The following NRCAM variants were observed in gnomAD, a reference collection of about 807,000 sequenced individuals.
NRCAM encodes the protein NgCAM-related cell adhesion molecule.
In NRCAM, 83 loss-of-function variants were observed where a neutral mutation model predicts 156.5. That is an observed-to-expected ratio of 0.53 (90% confidence interval 0.44 to 0.64). The LOEUF (loss-of-function observed/expected upper bound fraction) is 0.64. Ranked by LOEUF, NRCAM falls within the 30% of genes least tolerant of loss-of-function variation. The pLI is 0.00. For synonymous variants in NRCAM, 538 were observed against 563.9 expected (o/e 0.95, Z 0.65); for missense variants, 1,417 against 1,597.3 (o/e 0.89, Z 1.92).
At chr7:108,273,593 G>GT (rs932402833) in intron 3 of NRCAM, among the ~76,000 whole-genome samples, 81 of 152,106 alleles carry the variant, frequency 5.3e-4, no homozygotes, top group African/African-American at 1.8e-3. Context: ...TTATGCGGTT[G>GT]TTTTTTTCTT....
chr7:108,358,754 A>C (rs924203019), intron 2 of NRCAM, among the ~76,000 whole-genome samples: 6 of 152,160 alleles, frequency 3.9e-5, no homozygotes, highest in African/African-American at 1.4e-4. Context: ...CCTATTAGCA[A>C]AACGAACTGA....
At chr7:108,168,770 T>C (rs2151924251) in intron 28 of NRCAM, among the ~76,000 whole-genome samples, 1 of 152,312 alleles carries the variant, frequency 6.6e-6, no homozygotes, top group South Asian at 2.1e-4. Context: ...GACGTCATCA[T>C]GGAATGTCAG....
intron 30 of NRCAM, among the ~76,000 whole-genome samples, chr7:108,165,674 CATT>C (rs1459530521): frequency 6.6e-6 from 1 of 152,148 alleles, no homozygotes; most frequent in Non-Finnish European, 1.5e-5. Flanking sequence ...TTTCTTAAAA[CATT>C]ATGATTTTAG....
At chr7:108,260,817 A>C (rs1403251576) in intron 3 of NRCAM, among the ~76,000 whole-genome samples, 2 of 152,138 alleles carry the variant, frequency 1.3e-5, no homozygotes, top group Non-Finnish European at 2.9e-5. Flanking sequence ...ATGTATATAA[A>C]TTAGCCTTTT....
chr7:108,252,469 C>T (rs1221178094), intron 3 of NRCAM, among the ~76,000 whole-genome samples: 1 of 152,162 alleles, frequency 6.6e-6, no homozygotes, highest in Non-Finnish European at 1.5e-5. Flanking sequence ...GCAGAGAAAA[C>T]AGTTTTTATT....
chr7:108,411,204 C>A (rs1170501867), intron 1 of NRCAM, among the ~76,000 whole-genome samples: 1 of 152,230 alleles, frequency 6.6e-6, no homozygotes, highest in East Asian at 1.9e-4. Flanking sequence ...GGATTTCTCT[C>A]CAATTATCTT....
intron 2 of NRCAM, among the ~76,000 whole-genome samples, chr7:108,317,708 AAGACCAGCCTG>A (rs2098944891): frequency 6.6e-6 from 1 of 151,934 alleles, no homozygotes; most frequent in Admixed American, 6.6e-5. Context: ...TCAGGAGTTC[AAGACCAGCCTG>A]GCCAACATGG....
At chr7:108,310,534 T>G (rs548109281) in intron 3 of NRCAM, among the ~76,000 whole-genome samples, 14 of 152,308 alleles carry the variant, frequency 9.2e-5, no homozygotes, top group African/African-American at 3.4e-4. Flanking sequence ...CAATTCTGGC[T>G]GCATGCATTT....
At chr7:108,295,972 C>T (rs2098446813) in intron 3 of NRCAM, among the ~76,000 whole-genome samples, 1 of 152,214 alleles carries the variant, frequency 6.6e-6, no homozygotes. Flanking sequence ...TTGAAAAGGG[C>T]TTCACTGCGC....
At chr7:108,285,728 G>C (rs1735872883) in intron 3 of NRCAM, among the ~76,000 whole-genome samples, 1 of 152,190 alleles carries the variant, frequency 6.6e-6, no homozygotes, top group Admixed American at 6.5e-5. Context: ...TATTTTGTCA[G>C]GAGTTAATGA....
intron 3 of NRCAM, among the ~76,000 whole-genome samples, chr7:108,253,746 A>C (rs1181508395): frequency 1.3e-5 from 2 of 152,222 alleles, no homozygotes; most frequent in Non-Finnish European, 2.9e-5. Context: ...CAATCACCTG[A>C]AAATCAATTA....
intron 2 of NRCAM, among the ~76,000 whole-genome samples, chr7:108,358,592 A>G (rs1277967252): frequency 6.6e-6 from 1 of 152,136 alleles, no homozygotes; most frequent in Non-Finnish European, 1.5e-5. Context: ...CTGGTAATGC[A>G]CAGAGCTCCT....
intron 1 of NRCAM, among the ~76,000 whole-genome samples, chr7:108,411,794 G>C (rs1044922175): frequency 9.2e-5 from 14 of 152,100 alleles, no homozygotes; most frequent in African/African-American, 3.1e-4. Flanking sequence ...GCCTTCCAAA[G>C]TGCTGGTATT....
At chr7:108,374,450 G>A (rs1180070983) in intron 2 of NRCAM, among the ~76,000 whole-genome samples, 1 of 151,968 alleles carries the variant, frequency 6.6e-6, no homozygotes. Context: ...TGGAGCAAGA[G>A]GAAGACTCTA....
At chr7:108,412,720 C>G (rs1796945836) in intron 1 of NRCAM, among the ~76,000 whole-genome samples, 1 of 152,134 alleles carries the variant, frequency 6.6e-6, no homozygotes, top group South Asian at 2.1e-4. Flanking sequence ...ACCCCAGCCC[C>G]TGGTAACCAC....
At chr7:108,309,567 T>A (rs938009192) in intron 3 of NRCAM, among the ~76,000 whole-genome samples, 1 of 152,116 alleles carries the variant, frequency 6.6e-6, no homozygotes, top group Admixed American at 6.5e-5. Context: ...TAAATTGTAT[T>A]AAAAATTGGC....
intron 2 of NRCAM, among the ~76,000 whole-genome samples, chr7:108,339,994 G>C (rs1386986110): frequency 1.3e-5 from 2 of 152,172 alleles, no homozygotes. Context: ...CTATCTTACA[G>C]CTAGACCTCT....
chr7:108,342,043 C>A (rs2099287670), intron 2 of NRCAM, among the ~76,000 whole-genome samples: 1 of 152,200 alleles, frequency 6.6e-6, no homozygotes, highest in South Asian at 2.1e-4. Context: ...ATCCTTCGAA[C>A]CCAACGTCTC....
intron 1 of NRCAM, among the ~76,000 whole-genome samples, chr7:108,453,040 G>A (rs1211157320): frequency 6.6e-6 from 1 of 152,202 alleles, no homozygotes; most frequent in Non-Finnish European, 1.5e-5. Flanking sequence ...AAAACTCTGT[G>A]TGATGAAGTA....
Sources: gnomAD v4.1 joint callset for allele counts (sites outside exome capture counted in the v4.1 genomes callset) on GRCh38, gnomAD v4.1.1 for gene constraint, MANE v1.5 for transcripts, NCBI Gene and HGNC (gene_info 2026-07-23, HGNC 2026-07-21) for gene names.